The following LONRF1 variants were observed in gnomAD, a reference collection of about 807,000 sequenced individuals.
LONRF1 encodes LON peptidase N-terminal domain and ring finger 1, also known as LON peptidase N-terminal domain and RING finger protein 1.
Under a neutral mutation model 85.8 loss-of-function variants are expected in LONRF1, and 37 were observed. The observed-to-expected ratio is 0.43, with a 90% CI of 0.33 to 0.57. The LOEUF is 0.57. LONRF1 is among the 20% of genes least tolerant of loss of function. The pLI is 0.04. For missense variants in LONRF1, 1,036 were observed against 978.0 expected (o/e 1.06, Z -0.79); for synonymous variants, 517 against 390.1 (o/e 1.33, Z -3.83).
chr8:12,738,720 A>G (rs1798817077), intron 3 of LONRF1: 2 of 152,204 alleles, frequency 1.3e-5, no homozygotes, highest in Non-Finnish European at 2.9e-5. Flanking sequence ...AAGCTGGGAG[A>G]CAGCTGGAGA....
At position 12,726,901 on chromosome 8, in the gene LONRF1, G is replaced by C. The variant is rs192905287; in HGVS notation, c.2011-1022C>G. 2.1e-4 allele frequency among the ~76,000 whole-genome samples: 32 copies of C among 152,144 alleles called. No individual in the cohort carries two copies. The East Asian group carries it at 5.8e-3, about 27-fold the overall frequency. On this transcript the variant is annotated intron_variant, in intron 10 of 11. Transcript: ENST00000398246. Reference sequence around the variant, plus strand: ...AAAGTTTAAAGAGCATCTGTTTTTTGCATAACAATGTGAATGTACTTAATG... The same window carrying C: ...AAAGTTTAAAGAGCATCTGTTTTTTCCATAACAATGTGAATGTACTTAATG...
chr8:12,731,028 G>A (rs1385136790), intron 8 of LONRF1, among the ~76,000 whole-genome samples: 1 of 152,080 alleles, frequency 6.6e-6, no homozygotes, highest in East Asian at 1.9e-4. Flanking sequence ...AAAATTTAAA[G>A]AGACCCAAGT....
chr8:12,727,324 C>T (rs950621618), intron 10 of LONRF1: 1 of 148,800 alleles, frequency 6.7e-6, no homozygotes, highest in African/African-American at 2.5e-5. Context: ...CTTTTAAAGT[C>T]AAGGAACTTT....
intron 7 of LONRF1, among the ~76,000 whole-genome samples, chr8:12,734,195 C>G (rs1373038378): frequency 2.0e-5 from 3 of 152,098 alleles, no homozygotes; most frequent in East Asian, 1.9e-4. Context: ...CTAACAAACT[C>G]TTTTAAGAAT....
Position 12,738,043 on chromosome 8 carries a change from A to G in LONRF1, c.1065T>C (p.His355=), listed in dbSNP as rs1460769780. 3.1e-6 allele frequency: 5 copies of G among 1,610,632 alleles called. No homozygotes were observed. Among genetic ancestry groups the G allele is most frequent in the Non-Finnish European group, 4.2e-6 (5 of 1,178,574 alleles). Residue 355 remains histidine, a synonymous_variant, in exon 4 of 12, where the codon CAT becomes CAC. Transcript: ENST00000398246. ...GAGACTGAGACTCTTCCATCACTGA[A>G]TGAAAATCAAAAGGTCTGTTTTTAG... The part of the protein sequence containing the change: ...PCTKNRPFDF[H]SVMEESQSLN...
intron 1 of LONRF1, among the ~76,000 whole-genome samples, chr8:12,751,672 C>T (rs1799411407): frequency 6.6e-6 from 1 of 151,086 alleles, no homozygotes; most frequent in Admixed American, 6.6e-5. Flanking sequence ...AAAATATCAC[C>T]CCCCCACCTT....
chr8:12,733,876 A>G (rs889669404), intron 7 of LONRF1, among the ~76,000 whole-genome samples: 40 of 152,222 alleles, frequency 2.6e-4, no homozygotes, highest in Admixed American at 1.3e-4. Context: ...TACAAATTAT[A>G]TTACGCAGGG....
chr8:12,725,450 C>A (rs1798259655), intron 11 of LONRF1, among the ~76,000 whole-genome samples: 1 of 152,142 alleles, frequency 6.6e-6, no homozygotes, highest in African/African-American at 2.4e-5. Context: ...TCCTTACCCA[C>A]TCCTAAAAAT....
chr8:12,724,103 G>C (rs575001497), intron 11 of LONRF1, among the ~76,000 whole-genome samples: 1 of 152,286 alleles, frequency 6.6e-6, no homozygotes, highest in South Asian at 2.1e-4. Context: ...CTATATTTGT[G>C]TATTGTCCGC....
Position 12,724,511 on chromosome 8 carries a change from A to G in LONRF1, c.2163+1216T>C, listed in dbSNP as rs747185278. On this transcript the variant is annotated intron_variant, in intron 11 of 11. Coordinates refer to ENST00000398246, the MANE Select transcript of LONRF1 (RefSeq NM_152271.5). Reference sequence around the variant, plus strand: ...CACTCCCACAGCTCTCCCAACTACTATACAAAGTCTACATCCTACGTCAAA... The same window carrying G: ...CACTCCCACAGCTCTCCCAACTACTGTACAAAGTCTACATCCTACGTCAAA... Among the ~76,000 whole-genome samples the G allele has an allele frequency of 1.5e-4, 23 of 152,258 alleles. No individual in the cohort carries two copies. The Middle Eastern group carries it at 0.014, about 90-fold the overall frequency.
chr8:12,739,233 A>C (rs1798836129), intron 3 of LONRF1, among the ~76,000 whole-genome samples: 1 of 152,054 alleles, frequency 6.6e-6, no homozygotes, highest in Non-Finnish European at 1.5e-5. Flanking sequence ...AAACAATCCA[A>C]ATGAAAATCA....
At chr8:12,744,333 C>G (rs893186899) in intron 1 of LONRF1, among the ~76,000 whole-genome samples, 2 of 151,934 alleles carry the variant, frequency 1.3e-5, no homozygotes, top group African/African-American at 4.8e-5. Context: ...TTACAATGTT[C>G]TCAGAATTTT....
chr8:12,744,814 C>T (rs767690316), intron 1 of LONRF1, among the ~76,000 whole-genome samples: 7 of 152,212 alleles, frequency 4.6e-5, no homozygotes, highest in Non-Finnish European at 8.8e-5. Context: ...GAGACAGACT[C>T]CGCTCTAGTA....
chr8:12,739,652 G>C (rs1322355526), intron 3 of LONRF1, among the ~76,000 whole-genome samples: 1 of 152,116 alleles, frequency 6.6e-6, no homozygotes, highest in African/African-American at 2.4e-5. Context: ...AAGTATATTG[G>C]AGAAAAACAA....
At position 12,735,335 on chromosome 8, in the gene LONRF1, C is replaced by T. The variant is rs1224057737; in HGVS notation, c.1517G>A (p.Cys506Tyr). ...AGGACAATATGGTGCATGATCTAAA[C>T]AACGCTCAAGACAATTCTTACAGAA... Reference protein sequence around the residue: ...HSFCKNCLERCLDHAPYCPLC... With the variant: ...HSFCKNCLERYLDHAPYCPLC... Residue 506 changes from cysteine (C) to tyrosine (Y), a missense_variant, in exon 7 of 12, where the codon TGT becomes TAT. Around this residue, in one of 3 missense-constraint regions of LONRF1, gnomAD observed 29 missense variants for 62.1 expected, o/e 0.47. Transcript: ENST00000398246. 2 of 1,608,324 alleles carry T rather than the reference C, an allele frequency of 1.2e-6. No homozygotes were observed.
intron 6 of LONRF1, among the ~76,000 whole-genome samples, 155 bp downstream of exon 6, chr8:12,736,546 G>C (rs996545040): frequency 6.6e-6 from 1 of 152,054 alleles, no homozygotes; most frequent in Admixed American, 6.6e-5. Flanking sequence ...ATTTGCCCAA[G>C]GCATGAAAGG....
chr8:12,749,300 C>A (rs568942812), intron 1 of LONRF1, among the ~76,000 whole-genome samples: 33 of 152,022 alleles, frequency 2.2e-4, no homozygotes, highest in Non-Finnish European at 2.9e-4. Context: ...GACTGGACAA[C>A]AGACAGCACA....
At chr8:12,754,461 G>C (rs1799546230) in intron 1 of LONRF1, 1 of 378,236 alleles carries the variant, frequency 2.6e-6, no homozygotes, top group Non-Finnish European at 4.4e-6. Flanking sequence ...CCCGCGCCGA[G>C]CGCCCCTCCC....
intron 1 of LONRF1, 34 bp from the exon 2 acceptor site, chr8:12,743,316 T>C (rs1415554485): frequency 8.2e-7 from 1 of 1,224,780 alleles, no homozygotes; most frequent in Non-Finnish European, 1.2e-6. Flanking sequence ...TATGATTATT[T>C]TTAAAAGATT....
Sources: allele counts gnomAD v4.1 joint callset (sites outside exome capture counted in the v4.1 genomes callset), GRCh38; gene constraint gnomAD v4.1.1; regional missense constraint gnomAD v4.1.1; transcripts MANE v1.5; gene names NCBI Gene and HGNC (gene_info 2026-07-23, HGNC 2026-07-21).